The following LHFPL4 variants were observed in gnomAD, a reference collection of about 807,000 sequenced individuals.
LHFPL4 encodes the protein LHFPL tetraspan subfamily member 4 protein.
In LHFPL4, 6 loss-of-function variants were observed where a neutral mutation model predicts 20.0. The ratio of observed to expected loss-of-function variants is 0.30; its 90% CI spans 0.16 to 0.59. LHFPL4 has a LOEUF of 0.59. LHFPL4 is among the 20% of genes least tolerant of loss of function. The pLI is 0.88. For missense variants in LHFPL4, 215 were observed against 331.2 expected (o/e 0.65, Z 2.72); for synonymous variants, 129 against 143.8 (o/e 0.90, Z 0.74).
At chr3:9,551,075 G>A (rs934081105) in intron 2 of LHFPL4, 16 of 152,122 alleles carry the variant, frequency 1.1e-4, no homozygotes, top group African/African-American at 3.6e-4. Context: ...AAAAGATAGA[G>A]GTTTCTCCTC....
At chr3:9,542,092 C>G (rs1282540727) in intron 2 of LHFPL4, among the ~76,000 whole-genome samples, 2 of 151,948 alleles carry the variant, frequency 1.3e-5, no homozygotes, top group Admixed American at 1.3e-4. Context: ...TCGAGACCAG[C>G]CTGGCCAACA....
rs1330548540 is a variant in LHFPL4 at position 9,499,184 on chromosome 3, T to A, written c.*3027A>T. ...AGAAACAGGCACTGATCTCCTCTGC[T>A]TACCTCCTCCTGAAGGCTAAAGCCA... On this transcript the variant is annotated 3_prime_UTR_variant, in exon 4 of 4. Coordinates refer to ENST00000287585, the MANE Select transcript of LHFPL4 (RefSeq NM_198560.3). The A allele has an allele frequency of 6.6e-6, 1 of 152,316 alleles. No homozygotes were observed. Among genetic ancestry groups the A allele is most frequent in the East Asian group, 1.9e-4 (1 of 5,178 alleles). The allele number at this position is 152,316 out of a possible 1,614,324, so 9.4% of individuals were successfully genotyped here.
intron 2 of LHFPL4, among the ~76,000 whole-genome samples, chr3:9,545,236 G>A (rs2046504319): frequency 6.6e-6 from 1 of 151,906 alleles, no homozygotes; most frequent in Non-Finnish European, 1.5e-5. Flanking sequence ...GAGAATTGGG[G>A]GAGGAAGAAA....
At chr3:9,513,403 C>T (rs1381700946) in intron 2 of LHFPL4, among the ~76,000 whole-genome samples, 1 of 152,152 alleles carries the variant, frequency 6.6e-6, no homozygotes, top group Non-Finnish European at 1.5e-5. Flanking sequence ...GGGATCATGG[C>T]TCACTGCGTC....
chr3:9,503,178 T>C (rs1282151817), intron 3 of LHFPL4, among the ~76,000 whole-genome samples: 1 of 152,100 alleles, frequency 6.6e-6, no homozygotes, highest in Non-Finnish European at 1.5e-5. Context: ...CTCACTCATC[T>C]TGAACTCCCA....
intron 2 of LHFPL4, among the ~76,000 whole-genome samples, chr3:9,509,372 TTTC>T (rs1278631305): frequency 6.6e-6 from 1 of 151,946 alleles, no homozygotes; most frequent in African/African-American, 2.4e-5. Context: ...CTCCTCTCTA[TTTC>T]TTTTCTCGCT....
At chr3:9,547,715 T>C (rs1298202100) in intron 2 of LHFPL4, among the ~76,000 whole-genome samples, 2 of 152,238 alleles carry the variant, frequency 1.3e-5, no homozygotes, top group East Asian at 3.8e-4. Flanking sequence ...CAGTTGACTC[T>C]TCTGGCAAAA....
At chr3:9,512,565 C>T (rs890935126) in intron 2 of LHFPL4, among the ~76,000 whole-genome samples, 1 of 152,166 alleles carries the variant, frequency 6.6e-6, no homozygotes, top group African/African-American at 2.4e-5. Flanking sequence ...ATCCCTTCTT[C>T]CTTAGTATTT....
intron 2 of LHFPL4, among the ~76,000 whole-genome samples, chr3:9,529,643 A>G (rs554089062): frequency 6.7e-6 from 1 of 149,846 alleles, no homozygotes; most frequent in South Asian, 2.1e-4. Flanking sequence ...TTATTTATTT[A>G]TTTTTTTTTG....
intron 2 of LHFPL4, among the ~76,000 whole-genome samples, chr3:9,509,302 C>G (rs2046242069): frequency 6.7e-6 from 1 of 150,134 alleles, no homozygotes; most frequent in Non-Finnish European, 1.5e-5. Context: ...TGGACCCCCG[C>G]CCCTCCCGCT....
chr3:9,547,359 C>T (rs2046522050), intron 2 of LHFPL4, among the ~76,000 whole-genome samples: 1 of 152,200 alleles, frequency 6.6e-6, no homozygotes, highest in Non-Finnish European at 1.5e-5. Context: ...CACACTTCAC[C>T]TTGAATCTCA....
chr3:9,514,922 G>C (rs1380637238), intron 2 of LHFPL4, among the ~76,000 whole-genome samples: 1 of 152,132 alleles, frequency 6.6e-6, no homozygotes, highest in Non-Finnish European at 1.5e-5. Context: ...TATCTTGTTT[G>C]CTTCCAAATT....
At chr3:9,529,931 C>CTTT (rs77757682) in intron 2 of LHFPL4, among the ~76,000 whole-genome samples, 18 of 146,832 alleles carry the variant, frequency 1.2e-4, no homozygotes, top group African/African-American at 4.5e-4. Context: ...GTGCCTGGCT[C>CTTT]TTTTTTTTTT....
At chr3:9,551,556 C>T (rs2046554132) in intron 2 of LHFPL4, among the ~76,000 whole-genome samples, 1 of 152,192 alleles carries the variant, frequency 6.6e-6, no homozygotes, top group Non-Finnish European at 1.5e-5. Flanking sequence ...CTTGGTCAAA[C>T]ATTTCGGAGG....
At chr3:9,505,919 G>T in intron 3 of LHFPL4, 48 bp downstream of exon 3, 1 of 1,530,632 alleles carries the variant, frequency 6.5e-7, no homozygotes, top group Non-Finnish European at 9.0e-7. Flanking sequence ...TGCCTCCCAG[G>T]ACCAGGCCTG....
chr3:9,548,146 G>A (rs1437986148), intron 2 of LHFPL4, among the ~76,000 whole-genome samples: 1 of 151,960 alleles, frequency 6.6e-6, no homozygotes, highest in African/African-American at 2.4e-5. Flanking sequence ...GTTACAATTC[G>A]GGCTCCACCA....
intron 2 of LHFPL4, among the ~76,000 whole-genome samples, chr3:9,509,996 G>A (rs1328931798): frequency 6.6e-6 from 1 of 152,160 alleles, no homozygotes; most frequent in Non-Finnish European, 1.5e-5. Context: ...GCACATACAC[G>A]GGTGCAGGAT....
At chr3:9,526,220 T>G (rs919038308) in intron 2 of LHFPL4, among the ~76,000 whole-genome samples, 1 of 152,054 alleles carries the variant, frequency 6.6e-6, no homozygotes, top group African/African-American at 2.4e-5. Context: ...CTGCCAGGGC[T>G]CGGGGGAGGG....
At chr3:9,550,671 T>C (rs927149464) in intron 2 of LHFPL4, 2 of 152,056 alleles carry the variant, frequency 1.3e-5, no homozygotes, top group Non-Finnish European at 2.9e-5. Context: ...GCAGGAGAAA[T>C]AGAATAGAAA....
Sources: gnomAD v4.1 joint callset for allele counts (sites outside exome capture counted in the v4.1 genomes callset) on GRCh38, gnomAD v4.1.1 for gene constraint, MANE v1.5 for transcripts, NCBI Gene and HGNC (gene_info 2026-07-23, HGNC 2026-07-21) for gene names.